Variants in RBM6 observed in about 807,000 individuals in gnomAD.
The protein encoded by RBM6 is RNA binding motif protein 6.
In RBM6, 23 loss-of-function variants were observed where a neutral mutation model predicts 140.4. That is an observed-to-expected ratio of 0.16 (90% CI 0.12 to 0.23). RBM6 has a LOEUF of 0.23. RBM6 is among the 10% of genes least tolerant of loss of function. RBM6 has a pLI of 1.00. For synonymous variants in RBM6, 439 were observed against 475.6 expected (o/e 0.92, Z 1.00); for missense variants, 1,139 against 1,386.7 (o/e 0.82, Z 2.84).
At chr3:50,068,106 A>G (rs1224305895) in intron 17 of RBM6, among the ~76,000 whole-genome samples, 1 of 152,242 alleles carries the variant, frequency 6.6e-6, no homozygotes, top group Non-Finnish European at 1.5e-5. Flanking sequence ...TGAATTCACA[A>G]ACTGAACTGG....
rs986766021 is a variant in RBM6, at chr3:49,975,482, A to G, written c.1483+90A>G. On this transcript the variant is annotated intron_variant, in intron 5 of 20. Coordinates refer to ENST00000266022, the MANE Select transcript of RBM6 (RefSeq NM_005777.3). ...GTGCTACTTAAAATTTGTTTCAAGA[A>G]ACCACAATTAAAATTTCCAGAAGCC... 3.5e-6 allele frequency: 4 copies of G among 1,138,294 alleles called. No homozygotes were observed. The African/African-American group carries it at 4.7e-5, about 13-fold the overall frequency. 70.5% of individuals were successfully genotyped at this position (1,138,294 alleles called of 1,614,324 possible).
intron 17 of RBM6, 51 bp downstream of exon 17, chr3:50,066,553 C>T: frequency 3.8e-6 from 6 of 1,574,742 alleles, no homozygotes; most frequent in Non-Finnish European, 5.2e-6. Flanking sequence ...CTTGGCCGGG[C>T]TTTGTGGCTC....
chr3:49,953,948 A>G (rs1304762871), intron 1 of RBM6, among the ~76,000 whole-genome samples: 1 of 152,074 alleles, frequency 6.6e-6, no homozygotes, highest in Non-Finnish European at 1.5e-5. Context: ...CCCGGGCAAC[A>G]TAACGAAACC....
chr3:49,951,729 T>G (rs2108586044), intron 1 of RBM6, among the ~76,000 whole-genome samples: 1 of 150,608 alleles, frequency 6.6e-6, no homozygotes, highest in Non-Finnish European at 1.5e-5. Context: ...TTTTTTGTTG[T>G]TCTGTTTTTT....
At chr3:49,979,543 G>A (rs997191000) in intron 5 of RBM6, among the ~76,000 whole-genome samples, 5 of 149,614 alleles carry the variant, frequency 3.3e-5, no homozygotes, top group East Asian at 2.0e-4. Flanking sequence ...GGGTTCAAAC[G>A]ATTCTCCTTC....
chr3:50,047,813 C>T (rs1391569999), intron 6 of RBM6, among the ~76,000 whole-genome samples: 1 of 152,120 alleles, frequency 6.6e-6, no homozygotes, highest in Non-Finnish European at 1.5e-5. Flanking sequence ...ACTACCTTTC[C>T]AAGGAGATGT....
chr3:50,075,269 C>G lies in RBM6; in HGVS notation c.3185C>G (p.Thr1062Ser). The change falls in exon 20 of 21, where the codon ACT becomes AGT. Residue 1062 changes from threonine to serine, a missense_variant. Coordinates refer to ENST00000266022, the MANE Select transcript of RBM6 (RefSeq NM_005777.3). ...SSKGGCVQQA[T>S]GWRKGTGLGY... ...AAAGGAGGCTGTGTCCAACAGGCTA[C>G]TGGCTGGAGGAAAGGGACAGGCCTG... The G allele has an allele frequency of 6.2e-7, 1 of 1,614,104 alleles. No homozygotes were observed.
chr3:49,979,283 G>T (rs2085196826), intron 5 of RBM6, among the ~76,000 whole-genome samples: 2 of 152,072 alleles, frequency 1.3e-5, no homozygotes, highest in Non-Finnish European at 2.9e-5. Flanking sequence ...AATGGGGAAC[G>T]ACTCCCTAAT....
Position 50,068,773 on chromosome 3 carries a change from T to C in RBM6, c.3018+9T>C. The C allele has an allele frequency of 5.0e-6, 8 of 1,612,334 alleles. No individual in the cohort carries two copies. The highest frequency in any genetic ancestry group is 5.9e-6 in the Non-Finnish European group (7 of 1,178,332). The stretch of plus-strand genomic sequence containing the variant: ...AAAGGAGAGAACGAGAGGTAAACTT[T>C]GGTGACCTATTACTCCCTTGACCTC... On this transcript the variant is annotated intron_variant, in intron 18 of 20. Transcript: ENST00000266022.
At chr3:50,015,046 CAAAA>C (rs71080566) in intron 6 of RBM6, among the ~76,000 whole-genome samples, 23 of 52,858 alleles carry the variant, frequency 4.4e-4, no homozygotes, top group East Asian at 2.9e-3. Flanking sequence ...GAGACTGTCT[CAAAA>C]AAAAAAAAAA....
rs193100995 is a variant in RBM6, at chr3:50,022,171, T to C, written c.1557+22658T>C. On this transcript the variant is annotated intron_variant, in intron 6 of 20. Coordinates refer to ENST00000266022, the MANE Select transcript of RBM6 (RefSeq NM_005777.3). ...AGTGTTTGAGAGCACTTGTCTCCCC[T>C]GCCTTCCAACCAGTGTCAAGTGTAT... Among the ~76,000 whole-genome samples, 81 of 152,312 alleles carry C rather than the reference T, an allele frequency of 5.3e-4. 1 individual carries two copies. Among genetic ancestry groups the C allele is most frequent in the Non-Finnish European group, 2.2e-4 (15 of 68,034 alleles).
At chr3:49,969,653 G>C (rs1335159392) in intron 3 of RBM6, among the ~76,000 whole-genome samples, 1 of 151,394 alleles carries the variant, frequency 6.6e-6, no homozygotes, top group Non-Finnish European at 1.5e-5. Context: ...GCTGAAGTGC[G>C]GTGGTGTAAT....
intron 5 of RBM6, among the ~76,000 whole-genome samples, chr3:49,979,879 G>C (rs775221786): frequency 6.6e-6 from 1 of 152,124 alleles, no homozygotes; most frequent in South Asian, 2.1e-4. Context: ...ACTATAAAGC[G>C]GAAGCATGAG....
chr3:49,963,843 G>T (rs1311080847), intron 2 of RBM6, among the ~76,000 whole-genome samples: 1 of 152,090 alleles, frequency 6.6e-6, no homozygotes, highest in Admixed American at 6.6e-5. Flanking sequence ...ACCTTTAAAT[G>T]TATGCATTCA....
chr3:50,035,372 C>T (rs1231501271), intron 6 of RBM6, among the ~76,000 whole-genome samples: 1 of 152,088 alleles, frequency 6.6e-6, no homozygotes, highest in African/African-American at 2.4e-5. Context: ...GCCAGACTTA[C>T]AGGCTACTCT....
At chr3:49,986,349 C>A (rs1338554964) in intron 5 of RBM6, among the ~76,000 whole-genome samples, 2 of 151,366 alleles carry the variant, frequency 1.3e-5, no homozygotes, top group East Asian at 4.1e-4. Context: ...GATCCCAGCA[C>A]TTTGGGAGGC....
At chr3:50,030,077 G>A (rs2088061270) in intron 6 of RBM6, among the ~76,000 whole-genome samples, 1 of 151,864 alleles carries the variant, frequency 6.6e-6, no homozygotes, top group Non-Finnish European at 1.5e-5. Flanking sequence ...ACCAGCCTGG[G>A]CAATGTAGTG....
chr3:50,075,129 C>T, intron 19 of RBM6, 72 bp from the exon 20 acceptor site: 1 of 1,558,080 alleles, frequency 6.4e-7, no homozygotes, highest in Non-Finnish European at 8.7e-7. Flanking sequence ...GCACTCCAGC[C>T]TGGGCAAAAA....
intron 19 of RBM6, among the ~76,000 whole-genome samples, chr3:50,074,075 C>T (rs988429541): frequency 6.6e-5 from 10 of 152,136 alleles, no homozygotes; most frequent in South Asian, 2.1e-4. Flanking sequence ...GTGATCCACC[C>T]GCCTTGGCCT....
Sources: gnomAD v4.1 joint callset for allele counts (sites outside exome capture counted in the v4.1 genomes callset) on GRCh38, gnomAD v4.1.1 for gene constraint, MANE v1.5 for transcripts, NCBI Gene and HGNC (gene_info 2026-07-23, HGNC 2026-07-21) for gene names.